The following KANK1 variants were observed in gnomAD, a reference collection of about 807,000 sequenced individuals.
KANK1 encodes KN motif and ankyrin repeat domain-containing protein 1.
A neutral mutation model predicts 106.2 loss-of-function variants in KANK1; 109 were observed. That is an observed-to-expected ratio of 1.03 (90% CI 0.88 to 1.20). KANK1 has a LOEUF of 1.20. Ranked by LOEUF, KANK1 falls within the 50% of genes most tolerant of loss-of-function variation. The probability of loss-of-function intolerance (pLI) is 0.00; values close to 1 mark genes in which losing one functional copy is unlikely to be tolerated. For missense variants in KANK1, 2,399 were observed against 1,710.7 expected, an observed-to-expected ratio of 1.40 and a Z score of -7.10; for synonymous variants, 873 against 652.2, an observed-to-expected ratio of 1.34 and a Z score of -5.16.
chr9:583,573 G>T (rs1401555066), intron 1 of KANK1, among the ~76,000 whole-genome samples: 1 of 151,798 alleles, frequency 6.6e-6, no homozygotes, highest in African/African-American at 2.4e-5. Flanking sequence ...CTTATATAAA[G>T]ATCCTTTATG....
At chr9:578,504 C>T (rs1320648871) in intron 1 of KANK1, among the ~76,000 whole-genome samples, 6 of 151,808 alleles carry the variant, frequency 4.0e-5, no homozygotes, top group Non-Finnish European at 7.4e-5. Context: ...GTGCAGTCCT[C>T]TATACAAAAA....
chr9:645,060 G>A (rs576460383), intron 1 of KANK1, among the ~76,000 whole-genome samples: 7 of 140,124 alleles, frequency 5.0e-5, no homozygotes, highest in Non-Finnish European at 8.9e-5. Flanking sequence ...GGAGGCAGAG[G>A]TTGCAGTGAG....
rs149617733 is a variant in KANK1 at position 622,290 on chromosome 9, G to A, written c.-83-54600G>A. Reference sequence around the variant, plus strand: ...TATTGTCACTTCATGCTCTTCTTAAGCGCTGTGTGTTGGGGCACTGCTCTA... The same window carrying A: ...TATTGTCACTTCATGCTCTTCTTAAACGCTGTGTGTTGGGGCACTGCTCTA... On this transcript the variant is annotated intron_variant, in intron 1 of 11. Transcript: ENST00000382297. 7.2e-5 allele frequency among the ~76,000 whole-genome samples: 11 copies of A among 152,298 alleles called. No individual in the cohort carries two copies. In the East Asian group the frequency reaches 2.1e-3, roughly 29 times the overall value.
intron 10 of KANK1, among the ~76,000 whole-genome samples, chr9:743,303 G>GGTATGAGGGA (rs1836190297): frequency 6.6e-6 from 1 of 152,174 alleles, no homozygotes; most frequent in South Asian, 2.1e-4. Context: ...GTTTTTCACT[G>GGTATGAGGGA]GTATGAGGGA....
At chr9:665,561 G>A (rs1462511904) in intron 1 of KANK1, among the ~76,000 whole-genome samples, 1 of 152,150 alleles carries the variant, frequency 6.6e-6, no homozygotes, top group Non-Finnish European at 1.5e-5. Flanking sequence ...TGCTGATCTG[G>A]CTACTATAGC....
intron 1 of KANK1, among the ~76,000 whole-genome samples, chr9:582,885 G>A (rs990114535): frequency 4.6e-5 from 7 of 152,278 alleles, no homozygotes; most frequent in Admixed American, 1.3e-4. Context: ...CATATAAGCC[G>A]GTGAAGAACC....
chr9:601,788 C>T lies in KANK1; in HGVS notation c.-83-75102C>T, dbSNP rs751979542. On this transcript the variant is annotated intron_variant, in intron 1 of 11. Transcript: ENST00000382297. ...TTTCAAGTACTTCCTCACATTATGGCATCCCCTGATGCTCTAGGCTAATCT... is the reference window on the plus strand; with the variant it reads ...TTTCAAGTACTTCCTCACATTATGGTATCCCCTGATGCTCTAGGCTAATCT... 1.5e-4 allele frequency among the ~76,000 whole-genome samples: 23 copies of T among 151,904 alleles called. 1 individual carries two copies. Among genetic ancestry groups the T allele is most frequent in the African/African-American group, 3.4e-4 (14 of 41,150 alleles).
chr9:573,175 T>A (rs373758642), intron 1 of KANK1, among the ~76,000 whole-genome samples: 1 of 152,228 alleles, frequency 6.6e-6, no homozygotes, highest in East Asian at 1.9e-4. Context: ...AATCAGAGAA[T>A]AAAGTATAAT....
intron 3 of KANK1, among the ~76,000 whole-genome samples, chr9:484,738 G>T (rs1045827811): frequency 2.6e-5 from 4 of 152,156 alleles, no homozygotes; most frequent in African/African-American, 9.7e-5. Flanking sequence ...GTATGGAGAG[G>T]GAACACGGTA....
In KANK1 at chr9:738,537, T is replaced by TAACA. The variant is rs770476501; in HGVS notation, c.3553+34_3553+37dup. 3.3e-6 allele frequency: 5 copies of TAACA among 1,537,974 alleles called. No individual in the cohort carries two copies. In the African/African-American group the frequency reaches 4.1e-5, roughly 13 times the overall value. On this transcript the variant is annotated intron_variant, in intron 8 of 11. Coordinates refer to ENST00000382297, the MANE Select transcript of KANK1 (RefSeq NM_015158.5). The stretch of plus-strand genomic sequence containing the variant: ...GGCTGCCCTTCCACCCTCTCTTCTC[T>TAACA]AACAGTACTTGGGTTGTGACTCATC...
At chr9:537,715 A>C (rs969094824) in intron 1 of KANK1, among the ~76,000 whole-genome samples, 1 of 152,080 alleles carries the variant, frequency 6.6e-6, no homozygotes, top group Non-Finnish European at 1.5e-5. Context: ...GGCATTTGGC[A>C]GTGTTTGGAG....
At chr9:604,971 A>T (rs1476915902) in intron 1 of KANK1, among the ~76,000 whole-genome samples, 1 of 151,954 alleles carries the variant, frequency 6.6e-6, no homozygotes, top group Middle Eastern at 3.4e-3. Context: ...CAATTGGGCA[A>T]TGTCTGACAG....
intron 3 of KANK1, 124 bp downstream of exon 3, chr9:713,588 T>A: frequency 9.8e-7 from 1 of 1,022,932 alleles, no homozygotes; most frequent in Non-Finnish European, 1.4e-6. Context: ...AGTTTTAGAG[T>A]GGTAATCTGT....
chr9:741,642 C>T (rs954613512), intron 9 of KANK1, among the ~76,000 whole-genome samples: 1 of 152,090 alleles, frequency 6.6e-6, no homozygotes, highest in Non-Finnish European at 1.5e-5. Context: ...CGCCCACCCC[C>T]ACGTCCGGCT....
intron 3 of KANK1, among the ~76,000 whole-genome samples, chr9:475,070 C>T (rs568756403): frequency 6.6e-6 from 1 of 152,284 alleles, no homozygotes; most frequent in East Asian, 1.9e-4. Flanking sequence ...CAGGGAAAGG[C>T]AGTCTCCAAA....
At chr9:703,646 A>G (rs1171212267) in intron 2 of KANK1, among the ~76,000 whole-genome samples, 2 of 152,064 alleles carry the variant, frequency 1.3e-5, no homozygotes, top group African/African-American at 4.8e-5. Flanking sequence ...AAGCAGGCAT[A>G]GTTCTGTTAG....
chr9:518,839 A>G (rs2059417666), intron 1 of KANK1, among the ~76,000 whole-genome samples: 1 of 151,632 alleles, frequency 6.6e-6, no homozygotes, highest in Non-Finnish European at 1.5e-5. Flanking sequence ...GTCTTGTAGG[A>G]AACCACAACT....
intron 3 of KANK1, chr9:478,292 C>T (rs1265091102): frequency 6.5e-6 from 1 of 152,972 alleles, no homozygotes; most frequent in African/African-American, 2.4e-5. Context: ...GGGCGCCAGC[C>T]TCCTGACATC....
chr9:613,788 T>C (rs1275574141), intron 1 of KANK1, among the ~76,000 whole-genome samples: 1 of 151,634 alleles, frequency 6.6e-6, no homozygotes, highest in African/African-American at 2.4e-5. Context: ...GTTTTGTGAC[T>C]TTCTGTTGTA....
Sources: gnomAD v4.1 joint callset for allele counts (sites outside exome capture counted in the v4.1 genomes callset) on GRCh38, gnomAD v4.1.1 for gene constraint, MANE v1.5 for transcripts, NCBI Gene and HGNC (gene_info 2026-07-23, HGNC 2026-07-21) for gene names.